Variants in PGK2 observed in about 807,000 individuals in gnomAD.
PGK2 encodes the protein epididymis secretory protein Li 272.
In PGK2, 5 loss-of-function variants were observed where a neutral mutation model predicts 5.2. The ratio of observed to expected loss-of-function variants is 0.96; its 90% CI spans 0.50 to 2.01. The LOEUF (loss-of-function observed/expected upper bound fraction) is 2.01, where lower values mean the gene tolerates loss of function less well. Among genes scored for constraint, PGK2 ranks in the 30% most tolerant of loss-of-function variants. PGK2 has a pLI of 0.01. For missense variants in PGK2, 588 were observed against 506.8 expected, an observed-to-expected ratio of 1.16 and a Z score of -1.54; for synonymous variants, 210 against 182.6, an observed-to-expected ratio of 1.15 and a Z score of -1.21.
At position 49,787,028 on chromosome 6, in the gene PGK2, C is replaced by T; in HGVS notation, c.160G>A (p.Gly54Arg). The T allele has an allele frequency of 6.2e-7, 1 of 1,614,090 alleles. No individual in the cohort carries two copies. The highest frequency in any genetic ancestry group is 8.5e-7 in the Non-Finnish European group (1 of 1,179,974). The change falls in exon 1 of 1, where the codon GGA (glycine) becomes AGA (arginine). Residue 54 changes from glycine to arginine, a missense_variant. Transcript: ENST00000304801. The stretch of plus-strand genomic sequence containing the variant: ...CTCATAAGAACTACTGCCTTGGCTC[C>T]ATTGTCCAGGCAGTACTTGATGCTT... ...IPSIKYCLDN[G>R]AKAVVLMSHL...
Position 49,785,996 on chromosome 6 carries a change from C to T in PGK2, c.1192G>A (p.Ala398Thr). ...KVSHVSTGGG[A>T]SLELLEGKIL... is the part of the protein sequence containing the mutation. ...TTACCTTCCAGAAGCTCTAGACTGGCACCGCCTCCAGTGCTGACATGGCTG... is the reference window on the plus strand; with the variant it reads ...TTACCTTCCAGAAGCTCTAGACTGGTACCGCCTCCAGTGCTGACATGGCTG... The change falls in exon 1 of 1, where the codon GCC becomes ACC. Residue 398 changes from alanine (A) to threonine (T), a missense_variant. Ala to Thr is a moderately conservative substitution (Grantham distance 58). Transcript: ENST00000304801. 1.2e-6 allele frequency: 2 copies of T among 1,614,116 alleles called. No homozygotes were observed. The highest frequency in any genetic ancestry group is 1.7e-6 in the Non-Finnish European group (2 of 1,179,980).
chr6:49,786,539 C>G lies in PGK2; in HGVS notation c.649G>C (p.Val217Leu). The G allele has an allele frequency of 6.2e-7, 1 of 1,614,118 alleles. No homozygotes were observed. The highest frequency in any genetic ancestry group is 8.5e-7 in the Non-Finnish European group (1 of 1,180,000). Residue 217 changes from valine (V) to leucine (L), a missense_variant, in exon 1 of 1, where the codon GTG becomes CTG. Val to Leu is a conservative substitution (Grantham distance 32, BLOSUM62 1). Transcript: ENST00000304801. ...TTGATAAGTTGGATCTTGTCTGCCA[C>G]TTTGGCTCCACCAAGTATAGCCAGA... ...PFLAILGGAKVADKIQLIKNM... is the reference protein window; with the variant it reads ...PFLAILGGAKLADKIQLIKNM...
Position 49,785,704 on chromosome 6 carries a change from C to A in PGK2, c.*230G>T. 1.9e-6 allele frequency: 1 copy of A among 526,512 alleles called. No homozygotes were observed. The highest frequency in any genetic ancestry group is 3.4e-6 in the Non-Finnish European group (1 of 295,974). The allele number at this position is 526,512 out of a possible 1,614,324, so 32.6% of individuals were successfully genotyped here. On this transcript the variant is annotated 3_prime_UTR_variant, in exon 1 of 1. Coordinates refer to ENST00000304801, the MANE Select transcript of PGK2 (RefSeq NM_138733.5). The stretch of plus-strand genomic sequence containing the variant: ...TAGGCAACTTAAGAATATGTCCTCC[C>A]TAGATAGCACAATGGTGAAGTTCAA...
Position 49,785,980 on chromosome 6 carries a change from A to C in PGK2, c.1208T>G (p.Leu403Arg). The change falls in exon 1 of 1, where the codon CTG becomes CGG. Residue 403 changes from leucine (L) to arginine (R), a missense_variant. Coordinates refer to ENST00000304801, the MANE Select transcript of PGK2 (RefSeq NM_138733.5). ...TACTCCAGGAAGGATTTTACCTTCC[A>C]GAAGCTCTAGACTGGCACCGCCTCC... Reference protein sequence around the residue: ...STGGGASLELLEGKILPGVEA... With the variant: ...STGGGASLELREGKILPGVEA... The C allele has an allele frequency of 6.2e-7, 1 of 1,614,062 alleles. No homozygotes were observed. The highest frequency in any genetic ancestry group is 8.5e-7 in the Non-Finnish European group (1 of 1,179,922).
chr6:49,786,640 T>C lies in PGK2; in HGVS notation c.548A>G (p.His183Arg). ...CTTCATCAAGAATCCGGATGCTTTATGGGGCAGATTCACTCCCACCATGGA... is the reference window on the plus strand; with the variant it reads ...CTTCATCAAGAATCCGGATGCTTTACGGGGCAGATTCACTCCCACCATGGA... ...HSSMVGVNLP[H>R]KASGFLMKKE... The change falls in exon 1 of 1, where the codon CAT (histidine) becomes CGT (arginine). Residue 183 changes from histidine to arginine, a missense_variant. By Grantham distance (29) the His-to-Arg change is conservative. Transcript: ENST00000304801. The C allele has an allele frequency of 2.5e-6, 4 of 1,614,156 alleles. No homozygotes were observed. Among genetic ancestry groups the C allele is most frequent in the East Asian group, 4.5e-5 (2 of 44,870 alleles).
At position 49,786,593 on chromosome 6, in the gene PGK2, T is replaced by C. The variant is rs1002371405; in HGVS notation, c.595A>G (p.Lys199Glu). 2.5e-6 allele frequency: 4 copies of C among 1,614,168 alleles called. No individual in the cohort carries two copies. The African/African-American group carries it at 4.0e-5, about 16-fold the overall frequency. ...GGTCTCACTGGGTTTTCCAAGGCTT[T>C]AGCAAAGTAATCTAGTTCCTTCTTC... ...LMKKELDYFA[K>E]ALENPVRPFL... The change falls in exon 1 of 1, where the codon AAA becomes GAA. Residue 199 changes from lysine to glutamate, a missense_variant. Physicochemically the swap from Lys to Glu is moderately conservative, Grantham distance 56 (BLOSUM62 1). Coordinates refer to ENST00000304801, the MANE Select transcript of PGK2 (RefSeq NM_138733.5).
rs1184366663 is a variant in PGK2, at chr6:49,786,756, T to G, written c.432A>C (p.Pro144=). The part of the protein sequence containing the change: ...DPSGKKIKAE[P]DKIEAFRASL... ...ATGCTCGGAAGGCTTCTATTTTATC[T>G]GGCTCAGCTTTAATCTTCTTTCCAG... Residue 144 remains proline, a synonymous_variant, in exon 1 of 1, where the codon CCA becomes CCC. Transcript: ENST00000304801. The G allele has an allele frequency of 6.2e-7, 1 of 1,614,156 alleles. No homozygotes were observed. Among genetic ancestry groups the G allele is most frequent in the South Asian group, 1.1e-5 (1 of 91,076 alleles).
rs1393287609 is a variant in PGK2, at chr6:49,786,148, G to A, written c.1040C>T (p.Ala347Val). 2.5e-6 allele frequency: 4 copies of A among 1,613,874 alleles called. No homozygotes were observed. The highest frequency in any genetic ancestry group is 1.3e-5 in the African/African-American group (1 of 74,854). ...GAGGGCTTTGGTTCCCTTAGCAAAG[G>A]CATCCCATTCAAATACTCCTAACGG... is the stretch of plus-strand genomic sequence containing the variant. ...NGPLGVFEWD[A>V]FAKGTKALMD... The change falls in exon 1 of 1, where the codon GCC (alanine) becomes GTC (valine). Residue 347 changes from alanine to valine, a missense_variant. Ala to Val is a moderately conservative substitution (Grantham distance 64, BLOSUM62 0). Coordinates refer to ENST00000304801, the MANE Select transcript of PGK2 (RefSeq NM_138733.5).
Position 49,785,764 on chromosome 6 carries a change from TA to T in PGK2, c.*169del. ...TGAACAGGCAAATGCGTGACCAAAC[TA>T]AAATGAATTGCTGTGCTGATATTAA... is the stretch of plus-strand genomic sequence containing the variant. On this transcript the variant is annotated 3_prime_UTR_variant, in exon 1 of 1. Coordinates refer to ENST00000304801, the MANE Select transcript of PGK2 (RefSeq NM_138733.5). 1.6e-6 allele frequency: 1 copy of T among 607,292 alleles called. No individual in the cohort carries two copies. Among genetic ancestry groups the T allele is most frequent in the Non-Finnish European group, 2.9e-6 (1 of 345,826 alleles). The allele number at this position is 607,292 out of a possible 1,614,324, so 37.6% of individuals were successfully genotyped here. A position where few individuals can be genotyped will look rare whatever the true frequency, so the allele number is the denominator to read the frequency against.
chr6:49,786,511 T>G lies in PGK2; in HGVS notation c.677A>C (p.Asn226Thr), dbSNP rs1248703469. The change falls in exon 1 of 1, where the codon AAT becomes ACT. Residue 226 changes from asparagine to threonine, a missense_variant. Transcript: ENST00000304801. ...CATCTCATTGACTTTGTCCAGCATATTTTTGATAAGTTGGATCTTGTCTGC... is the reference window on the plus strand; with the variant it reads ...CATCTCATTGACTTTGTCCAGCATAGTTTTGATAAGTTGGATCTTGTCTGC... ...KVADKIQLIK[N>T]MLDKVNEMII... 6.2e-7 allele frequency: 1 copy of G among 1,614,170 alleles called. No individual in the cohort carries two copies.
Position 49,786,638 on chromosome 6 carries a change from T to A in PGK2, c.550A>T (p.Lys184Ter). The change falls in exon 1 of 1, where the codon AAA (lysine) becomes TAA (stop). Residue 184 changes from lysine to a stop codon, truncating the protein, a stop_gained. Transcript: ENST00000304801. LOFTEE classifies it low-confidence loss of function (END_TRUNC). ...TTCTTCATCAAGAATCCGGATGCTTTATGGGGCAGATTCACTCCCACCATG... is the reference window on the plus strand; with the variant it reads ...TTCTTCATCAAGAATCCGGATGCTTAATGGGGCAGATTCACTCCCACCATG... ...SSMVGVNLPH[K>*]ASGFLMKKEL... The A allele has an allele frequency of 6.2e-7, 1 of 1,614,118 alleles. No individual in the cohort carries two copies. The highest frequency in any genetic ancestry group is 8.5e-7 in the Non-Finnish European group (1 of 1,180,000).
In PGK2 at chr6:49,786,545, C is replaced by A; in HGVS notation, c.643G>T (p.Ala215Ser). ...AGTTGGATCTTGTCTGCCACTTTGG[C>A]TCCACCAAGTATAGCCAGAAAGGGT... is the stretch of plus-strand genomic sequence containing the variant. The part of the protein sequence containing the change: ...VRPFLAILGG[A>S]KVADKIQLIK... Residue 215 changes from alanine to serine, a missense_variant, in exon 1 of 1, where the codon GCC becomes TCC. By Grantham distance (99) the Ala-to-Ser change is moderately conservative. Transcript: ENST00000304801. 6.2e-7 allele frequency: 1 copy of A among 1,614,094 alleles called. No homozygotes were observed. Among genetic ancestry groups the A allele is most frequent in the Non-Finnish European group, 8.5e-7 (1 of 1,180,012 alleles).
In PGK2 at chr6:49,786,500, T is replaced by G. The variant is rs770551125; in HGVS notation, c.688A>C (p.Lys230Gln). 1 of 1,614,186 alleles carries G rather than the reference T, an allele frequency of 6.2e-7. No homozygotes were observed. The highest frequency in any genetic ancestry group is 8.5e-7 in the Non-Finnish European group (1 of 1,180,018). Residue 230 changes from lysine (K) to glutamine (Q), a missense_variant, in exon 1 of 1, where the codon AAA becomes CAA. Lys to Gln is a moderately conservative substitution (Grantham distance 53, BLOSUM62 1). Coordinates refer to ENST00000304801, the MANE Select transcript of PGK2 (RefSeq NM_138733.5). ...KIQLIKNMLD[K>Q]VNEMIIGGGM... ...CCACCAATAATCATCTCATTGACTT[T>G]GTCCAGCATATTTTTGATAAGTTGG...
At position 49,786,885 on chromosome 6, in the gene PGK2, G is replaced by A. The variant is rs549102825; in HGVS notation, c.303C>T (p.Gly101=). 28 of 1,613,984 alleles carry A rather than the reference G, an allele frequency of 1.7e-5. No homozygotes were observed. The highest frequency in any genetic ancestry group is 1.0e-4 in the Admixed American group (6 of 59,994). ...KDVLFLKDCV[G]AEVEKACANP... is the part of the protein sequence containing the mutation. The stretch of plus-strand genomic sequence containing the variant: ...TGGCACAGGCTTTCTCCACTTCTGC[G>A]CCTACACAGTCCTTCAGGAACAGAA... The change falls in exon 1 of 1, where the codon GGC becomes GGT. Residue 101 remains glycine (G), a synonymous_variant. Coordinates refer to ENST00000304801, the MANE Select transcript of PGK2 (RefSeq NM_138733.5).
Position 49,787,215 on chromosome 6 carries a change from A to C in PGK2, c.-28T>G. 6.4e-7 allele frequency: 1 copy of C among 1,566,386 alleles called. No individual in the cohort carries two copies. The highest frequency in any genetic ancestry group is 8.7e-7 in the Non-Finnish European group (1 of 1,147,204). Reference sequence around the variant, plus strand: ...TGACAATATAAAGACATAGGCTGACACCTGGATCTTAATGCTGAAGAACCA... The same window carrying C: ...TGACAATATAAAGACATAGGCTGACCCCTGGATCTTAATGCTGAAGAACCA... On this transcript the variant is annotated 5_prime_UTR_variant, in exon 1 of 1. Transcript: ENST00000304801.
chr6:49,786,528 C>T lies in PGK2; in HGVS notation c.660G>A (p.Lys220=). ...CCAGCATATTTTTGATAAGTTGGAT[C>T]TTGTCTGCCACTTTGGCTCCACCAA... ...AILGGAKVAD[K]IQLIKNMLDK... The change falls in exon 1 of 1, where the codon AAG becomes AAA. Residue 220 remains lysine (K), a synonymous_variant. Transcript: ENST00000304801. The T allele has an allele frequency of 2.5e-6, 4 of 1,614,142 alleles. No homozygotes were observed. The highest frequency in any genetic ancestry group is 2.5e-6 in the Non-Finnish European group (3 of 1,180,016).
At position 49,787,207 on chromosome 6, in the gene PGK2, A is replaced by G; in HGVS notation, c.-20T>C. The G allele has an allele frequency of 5.0e-6, 8 of 1,587,516 alleles. No homozygotes were observed. The highest frequency in any genetic ancestry group is 6.9e-6 in the Non-Finnish European group (8 of 1,162,006). On this transcript the variant is annotated 5_prime_UTR_variant, in exon 1 of 1. Transcript: ENST00000304801. ...AGACATCTTGACAATATAAAGACAT[A>G]GGCTGACACCTGGATCTTAATGCTG...
rs776820903 is a variant in PGK2 at position 49,786,874 on chromosome 6, T to A, written c.314A>T (p.Glu105Val). 6.2e-7 allele frequency: 1 copy of A among 1,614,104 alleles called. No individual in the cohort carries two copies. The highest frequency in any genetic ancestry group is 8.5e-7 in the Non-Finnish European group (1 of 1,180,010). The part of the protein sequence containing the change: ...FLKDCVGAEV[E>V]KACANPAPGS... ...AGGAGCTGGGTTGGCACAGGCTTTC[T>A]CCACTTCTGCGCCTACACAGTCCTT... is the stretch of plus-strand genomic sequence containing the variant. The change falls in exon 1 of 1, where the codon GAG (glutamate) becomes GTG (valine). Residue 105 changes from glutamate to valine, a missense_variant. Physicochemically the swap from Glu to Val is moderately radical, Grantham distance 121 (BLOSUM62 -2). Coordinates refer to ENST00000304801, the MANE Select transcript of PGK2 (RefSeq NM_138733.5).
Position 49,786,164 on chromosome 6 carries a change from C to T in PGK2, c.1024G>A (p.Val342Ile), listed in dbSNP as rs1293708214. The T allele has an allele frequency of 6.2e-7, 1 of 1,614,108 alleles. No individual in the cohort carries two copies. The highest frequency in any genetic ancestry group is 8.5e-7 in the Non-Finnish European group (1 of 1,180,012). Residue 342 changes from valine (V) to isoleucine (I), a missense_variant, in exon 1 of 1, where the codon GTA becomes ATA. Val to Ile is a conservative substitution (Grantham distance 29). Transcript: ENST00000304801. ...TTAGCAAAGGCATCCCATTCAAATACTCCTAACGGCCCATTCCAAACAATT... is the reference window on the plus strand; with the variant it reads ...TTAGCAAAGGCATCCCATTCAAATATTCCTAACGGCCCATTCCAAACAATT... ...RLIVWNGPLG[V>I]FEWDAFAKGT...
Sources: allele counts gnomAD v4.1 joint callset, GRCh38; gene constraint gnomAD v4.1.1; transcripts MANE v1.5; gene names NCBI Gene and HGNC (gene_info 2026-07-23, HGNC 2026-07-21).